RALGAPA1: variants seen among roughly 807,000 people sequenced by gnomAD.
RALGAPA1 encodes ral GTPase-activating protein subunit alpha-1.
Under a neutral mutation model 269.6 loss-of-function variants are expected in RALGAPA1, and 52 were observed. The ratio of observed to expected loss-of-function variants is 0.19; its 90% CI spans 0.15 to 0.24. RALGAPA1 has a LOEUF of 0.24. Among genes scored for constraint, RALGAPA1 ranks in the 10% least tolerant of loss-of-function variants. The pLI, the probability that RALGAPA1 is intolerant of heterozygous loss-of-function variation, is 1.00. For synonymous variants in RALGAPA1, 817 were observed against 1,008.3 expected (o/e 0.81, Z 3.60); for missense variants, 1,917 against 3,013.9 (o/e 0.64, Z 8.52).
intron 39 of RALGAPA1, among the ~76,000 whole-genome samples, chr14:35,553,211 T>C (rs1339447364): frequency 2.0e-5 from 3 of 152,232 alleles, no homozygotes; most frequent in Non-Finnish European, 4.4e-5. Context: ...CAGCAGGTGC[T>C]GTCTCTAGGA....
intron 26 of RALGAPA1, among the ~76,000 whole-genome samples, chr14:35,668,257 C>G (rs988099906): frequency 6.6e-6 from 1 of 152,046 alleles, no homozygotes; most frequent in African/African-American, 2.4e-5. Context: ...CTGAGGTGGG[C>G]AGATCACCTA....
chr14:35,760,784 T>A (rs368399827), intron 6 of RALGAPA1, 45 bp downstream of exon 6: 1 of 1,447,024 alleles, frequency 6.9e-7, no homozygotes, highest in Non-Finnish European at 9.6e-7. Flanking sequence ...AGAGACTACA[T>A]AGAGAGCTTA....
chr14:35,663,843 G>A (rs529358549), intron 27 of RALGAPA1, among the ~76,000 whole-genome samples: 81 of 151,994 alleles, frequency 5.3e-4, no homozygotes, highest in African/African-American at 1.8e-3. Flanking sequence ...TGCCCGCCTC[G>A]GCCTCCCAAA....
chr14:35,667,506 A>G (rs2140196104), intron 26 of RALGAPA1, among the ~76,000 whole-genome samples: 1 of 152,294 alleles, frequency 6.6e-6, no homozygotes, highest in East Asian at 1.9e-4. Flanking sequence ...GTGCTTCTCA[A>G]TCTTTAATGA....
At chr14:35,546,854 T>G (rs879872365) in intron 41 of RALGAPA1, among the ~76,000 whole-genome samples, 5 of 152,100 alleles carry the variant, frequency 3.3e-5, no homozygotes, top group Admixed American at 2.6e-4. Context: ...ATGGGACTTA[T>G]GACAGAAAAG....
intron 12 of RALGAPA1, among the ~76,000 whole-genome samples, chr14:35,730,178 A>G (rs1195818071): frequency 3.3e-5 from 5 of 152,190 alleles, no homozygotes; most frequent in African/African-American, 9.7e-5. Context: ...GGAGCGGAGT[A>G]AATTTAGAGA....
At chr14:35,652,500 G>C (rs2062899882) in intron 30 of RALGAPA1, among the ~76,000 whole-genome samples, 1 of 152,080 alleles carries the variant, frequency 6.6e-6, no homozygotes, top group African/African-American at 2.4e-5. Flanking sequence ...TCAGCTCTGG[G>C]TTCAAGTGAT....
At chr14:35,693,652 C>T (rs1474484238) in intron 17 of RALGAPA1, among the ~76,000 whole-genome samples, 1 of 151,828 alleles carries the variant, frequency 6.6e-6, no homozygotes, top group African/African-American at 2.4e-5. Flanking sequence ...TTAGAAACCA[C>T]TTAATGAGTG....
At chr14:35,730,335 A>G (rs970472106) in intron 12 of RALGAPA1, among the ~76,000 whole-genome samples, 1 of 152,168 alleles carries the variant, frequency 6.6e-6, no homozygotes, top group Admixed American at 6.5e-5. Context: ...GGGAGAAGGA[A>G]GTCTCCAGAT....
chr14:35,655,297 C>T (rs2063106965), intron 29 of RALGAPA1, among the ~76,000 whole-genome samples: 1 of 151,992 alleles, frequency 6.6e-6, no homozygotes, highest in Non-Finnish European at 1.5e-5. Flanking sequence ...ACAATAATAT[C>T]ATGCATCCTT....
At chr14:35,651,328 G>A (rs2062815668) in intron 31 of RALGAPA1, among the ~76,000 whole-genome samples, 1 of 152,086 alleles carries the variant, frequency 6.6e-6, no homozygotes, top group African/African-American at 2.4e-5. Flanking sequence ...TACAATATCT[G>A]AAAAAATTAA....
chr14:35,610,484 G>A (rs946252280), intron 35 of RALGAPA1, among the ~76,000 whole-genome samples: 4 of 151,968 alleles, frequency 2.6e-5, no homozygotes, highest in Admixed American at 6.6e-5. Context: ...GGGTTTCACC[G>A]TGTTAGCCAG....
chr14:35,582,083 A>G (rs936675702), intron 37 of RALGAPA1, among the ~76,000 whole-genome samples: 3 of 152,232 alleles, frequency 2.0e-5, no homozygotes, highest in Middle Eastern at 3.2e-3. Flanking sequence ...ATGCTACAAC[A>G]TGAATGGATC....
intron 1 of RALGAPA1, among the ~76,000 whole-genome samples, chr14:35,802,931 G>A (rs2077086008): frequency 6.6e-6 from 1 of 151,806 alleles, no homozygotes; most frequent in South Asian, 2.1e-4. Flanking sequence ...CAAGCAATCT[G>A]CCCACCTGAG....
chr14:35,545,254 T>C (rs1453842686), intron 41 of RALGAPA1, among the ~76,000 whole-genome samples: 1 of 152,124 alleles, frequency 6.6e-6, no homozygotes, highest in Non-Finnish European at 1.5e-5. Context: ...CCTAAAGCAA[T>C]GGCTAAATTT....
chr14:35,768,719 A>G (rs1221418100), intron 4 of RALGAPA1, among the ~76,000 whole-genome samples: 1 of 151,636 alleles, frequency 6.6e-6, no homozygotes, highest in Non-Finnish European at 1.5e-5. Context: ...TACTACAAAA[A>G]ATAAATAGGT....
At chr14:35,765,616 T>C (rs566543323) in intron 4 of RALGAPA1, among the ~76,000 whole-genome samples, 1 of 152,218 alleles carries the variant, frequency 6.6e-6, no homozygotes, top group Admixed American at 6.5e-5. Flanking sequence ...TCCTCTCACC[T>C]CCCCAGTAGC....
Position 35,627,087 on chromosome 14 carries a change from T to G in RALGAPA1, c.6857+3A>C. 1 of 1,517,554 alleles carries G rather than the reference T, an allele frequency of 6.6e-7. No individual in the cohort carries two copies. Among genetic ancestry groups the G allele is most frequent in the Non-Finnish European group, 8.8e-7 (1 of 1,141,274 alleles). The allele number at this position is 1,517,554 out of a possible 1,614,324, so 94.0% of individuals were successfully genotyped here. A position where few individuals can be genotyped will look rare whatever the true frequency, so the allele number is the denominator to read the frequency against. On this transcript the variant is annotated splice_donor_region_variant and intron_variant, in intron 34 of 41. Coordinates refer to ENST00000680220, the MANE Select transcript of RALGAPA1 (RefSeq NM_001346249.2). The stretch of plus-strand genomic sequence containing the variant: ...AAAGAAAAAATTTCTCCCTTATGCT[T>G]ACCGTTTGTCCCAGGAATTCATTCC...
intron 35 of RALGAPA1, among the ~76,000 whole-genome samples, chr14:35,623,955 C>T (rs1188141308): frequency 1.3e-5 from 2 of 151,658 alleles, no homozygotes; most frequent in African/African-American, 4.8e-5. Context: ...TGGTGGCGGG[C>T]AAGTGCCTGT....
Sources: allele counts gnomAD v4.1 joint callset (sites outside exome capture counted in the v4.1 genomes callset), GRCh38; gene constraint gnomAD v4.1.1; transcripts MANE v1.5; gene names NCBI Gene and HGNC (gene_info 2026-07-23, HGNC 2026-07-21).